Variants in BCAS3 observed in about 807,000 individuals in gnomAD.
BCAS3 encodes the protein BCAS4/BCAS3 fusion.
A neutral mutation model predicts 116.1 loss-of-function variants in BCAS3; 53 were observed. The ratio of observed to expected loss-of-function variants is 0.46; its 90% CI spans 0.37 to 0.57. The LOEUF is 0.57. Among genes scored for constraint, BCAS3 ranks in the 20% least tolerant of loss-of-function variants. The probability of loss-of-function intolerance (pLI) is 0.00; values close to 1 mark genes in which losing one functional copy is unlikely to be tolerated. For missense variants in BCAS3, 917 were observed against 1,165.4 expected, an observed-to-expected ratio of 0.79 and a Z score of 3.10; for synonymous variants, 391 against 408.2, an observed-to-expected ratio of 0.96 and a Z score of 0.51.
chr17:60,701,726 G>A (rs2036416538), intron 4 of BCAS3, among the ~76,000 whole-genome samples: 2 of 151,510 alleles, frequency 1.3e-5, no homozygotes, highest in Admixed American at 1.3e-4. Flanking sequence ...TTGGGAGGCC[G>A]AGGCAGGTGG....
chr17:60,726,372 G>A (rs2039860659), intron 5 of BCAS3, among the ~76,000 whole-genome samples: 1 of 144,874 alleles, frequency 6.9e-6, no homozygotes, highest in Non-Finnish European at 1.5e-5. Context: ...GGCTAATTTT[G>A]TATTTTTAGT....
intron 7 of BCAS3, among the ~76,000 whole-genome samples, chr17:60,814,431 A>G (rs950904837): frequency 2.6e-5 from 4 of 151,844 alleles, no homozygotes; most frequent in African/African-American, 7.3e-5. Context: ...ACTTACTGAA[A>G]TTTTTTATTA....
intron 14 of BCAS3, among the ~76,000 whole-genome samples, chr17:60,982,772 A>G (rs1284764530): frequency 6.6e-6 from 1 of 152,216 alleles, no homozygotes; most frequent in East Asian, 1.9e-4. Flanking sequence ...CTCTTGTTAT[A>G]AACAACAACT....
chr17:61,080,605 A>G (rs2072499000), intron 21 of BCAS3, among the ~76,000 whole-genome samples: 1 of 152,026 alleles, frequency 6.6e-6, no homozygotes, highest in African/African-American at 2.4e-5. Flanking sequence ...CAAAAAATAC[A>G]AAAAATTAGC....
At chr17:60,799,708 C>CTTTTTTTTTTT (rs67510415) in intron 6 of BCAS3, among the ~76,000 whole-genome samples, 2 of 49,838 alleles carry the variant, frequency 4.0e-5, no homozygotes, top group African/African-American at 1.6e-4. Flanking sequence ...TTTTTCTTTT[C>CTTTTTTTTTTT]TTTTTTTTTT....
chr17:60,944,109 G>A (rs2060361184), intron 13 of BCAS3, among the ~76,000 whole-genome samples: 1 of 151,760 alleles, frequency 6.6e-6, no homozygotes, highest in African/African-American at 2.4e-5. Context: ...CCAAAACAAG[G>A]AGAATAAAGG....
chr17:61,071,716 A>G (rs896280667), intron 19 of BCAS3, among the ~76,000 whole-genome samples: 5 of 152,224 alleles, frequency 3.3e-5, no homozygotes, highest in African/African-American at 1.2e-4. Flanking sequence ...ACAGATTTTA[A>G]TAAATATATT....
intron 12 of BCAS3, among the ~76,000 whole-genome samples, chr17:60,913,732 T>G (rs2058638625): frequency 6.6e-6 from 1 of 152,164 alleles, no homozygotes; most frequent in South Asian, 2.1e-4. Context: ...ATTTTTTTTG[T>G]GTTAACAATT....
intron 22 of BCAS3, among the ~76,000 whole-genome samples, chr17:61,185,065 T>G (rs1449292880): frequency 6.6e-6 from 1 of 151,976 alleles, no homozygotes; most frequent in African/African-American, 2.4e-5. Flanking sequence ...GTCTCAACAC[T>G]TAAAATGGGT....
chr17:61,312,268 G>C (rs1219039758), intron 22 of BCAS3, among the ~76,000 whole-genome samples: 1 of 152,192 alleles, frequency 6.6e-6, no homozygotes, highest in Non-Finnish European at 1.5e-5. Flanking sequence ...GTCTCTCCAA[G>C]GAAGGGGAAG....
intron 20 of BCAS3, among the ~76,000 whole-genome samples, chr17:61,076,179 A>C (rs2071968381): frequency 6.6e-6 from 1 of 152,194 alleles, no homozygotes; most frequent in South Asian, 2.1e-4. Flanking sequence ...TGACTTCATT[A>C]CAAATGCTGT....
chr17:60,782,528 G>C (rs1466491947), intron 6 of BCAS3, among the ~76,000 whole-genome samples: 1 of 150,950 alleles, frequency 6.6e-6, no homozygotes, highest in Non-Finnish European at 1.5e-5. Flanking sequence ...ATCAAATGTT[G>C]TGACCAGAAA....
intron 22 of BCAS3, among the ~76,000 whole-genome samples, chr17:61,165,613 G>A (rs1458983853): frequency 6.6e-6 from 1 of 152,130 alleles, no homozygotes; most frequent in Non-Finnish European, 1.5e-5. Context: ...TTCAACCTGG[G>A]AGGCAGAGGT....
intron 7 of BCAS3, among the ~76,000 whole-genome samples, chr17:60,824,513 A>G (rs1388563042): frequency 6.6e-6 from 1 of 152,116 alleles, no homozygotes; most frequent in African/African-American, 2.4e-5. Flanking sequence ...CTTTGATCCA[A>G]CAGGTCTTAA....
Position 61,038,033 on chromosome 17 carries a change from G to A in BCAS3, c.1907G>A (p.Arg636Gln), listed in dbSNP as rs773240839. The A allele has an allele frequency of 1.2e-5, 20 of 1,614,032 alleles. No individual in the cohort carries two copies. The highest frequency in any genetic ancestry group is 9.9e-5 in the South Asian group (9 of 91,034). Residue 636 changes from arginine (R) to glutamine (Q), a missense_variant, in exon 18 of 24, where the codon CGA becomes CAA. Physicochemically the swap from Arg to Gln is conservative, Grantham distance 43 (BLOSUM62 1). Around this residue, in one of 3 missense-constraint regions of BCAS3, gnomAD observed 807 missense variants for 1,026.0 expected, o/e 0.79. Coordinates refer to ENST00000407086, the MANE Select transcript of BCAS3 (RefSeq NM_017679.5). Reference sequence around the variant, plus strand: ...CCACTGGAAATGATGACATCGCCTCGAGCCAGCTGGACTCTGGTTAGGTAG... The same window carrying A: ...CCACTGGAAATGATGACATCGCCTCAAGCCAGCTGGACTCTGGTTAGGTAG... ...DTPLEMMTSP[R>Q]ASWTLVRTPQ...
At chr17:60,828,464 CT>C (rs1365698010) in intron 7 of BCAS3, among the ~76,000 whole-genome samples, 3 of 152,140 alleles carry the variant, frequency 2.0e-5, no homozygotes, top group Non-Finnish European at 2.9e-5. Context: ...CTAAATATCA[CT>C]AATTATGTTA....
chr17:60,996,363 A>C (rs1035462922), intron 15 of BCAS3, among the ~76,000 whole-genome samples: 1 of 152,170 alleles, frequency 6.6e-6, no homozygotes, highest in Non-Finnish European at 1.5e-5. Flanking sequence ...GTGAGAAGTC[A>C]TTGGATTCTT....
intron 22 of BCAS3, among the ~76,000 whole-genome samples, chr17:61,270,523 A>C (rs1394912458): frequency 6.6e-6 from 1 of 151,996 alleles, no homozygotes; most frequent in South Asian, 2.1e-4. Flanking sequence ...CAGTTTGCAG[A>C]TATTTCCTTC....
chr17:61,001,241 T>C (rs1266804200), intron 15 of BCAS3, among the ~76,000 whole-genome samples: 4 of 152,176 alleles, frequency 2.6e-5, no homozygotes, highest in Non-Finnish European at 5.9e-5. Context: ...GGAGCCTCCA[T>C]ATTTCAGTAA....
Sources: gnomAD v4.1 joint callset for allele counts (sites outside exome capture counted in the v4.1 genomes callset) on GRCh38, gnomAD v4.1.1 for gene constraint, gnomAD v4.1.1 regional missense constraint, MANE v1.5 for transcripts, NCBI Gene and HGNC (gene_info 2026-07-23, HGNC 2026-07-21) for gene names.